TANC2: variants seen among roughly 807,000 people sequenced by gnomAD.
TANC2 encodes the protein protein TANC2.
In TANC2, 26 loss-of-function variants were observed where a neutral mutation model predicts 210.5. The observed-to-expected ratio is 0.12, with a 90% CI of 0.09 to 0.17. The LOEUF is 0.17. Ranked by LOEUF, TANC2 falls within the 10% of genes least tolerant of loss-of-function variation. The pLI, the probability that TANC2 is intolerant of heterozygous loss-of-function variation, is 1.00. For synonymous variants in TANC2, 931 were observed against 967.1 expected (o/e 0.96, Z 0.69); for missense variants, 2,129 against 2,608.9 (o/e 0.82, Z 4.01).
intron 15 of TANC2, chr17:63,381,221 G>A (rs374937538): frequency 5.3e-5 from 8 of 152,092 alleles, no homozygotes; most frequent in African/African-American, 1.7e-4. Context: ...ACATGGAAAC[G>A]TACATTTAAA....
chr17:63,416,970 C>T (rs2048883287), intron 26 of TANC2, among the ~76,000 whole-genome samples: 1 of 152,198 alleles, frequency 6.6e-6, no homozygotes, highest in African/African-American at 2.4e-5. Flanking sequence ...TGCTGCCAAC[C>T]CACTGATCTC....
intron 8 of TANC2, among the ~76,000 whole-genome samples, chr17:63,250,278 T>C (rs1056137129): frequency 2.0e-5 from 3 of 149,162 alleles, no homozygotes; most frequent in Non-Finnish European, 3.0e-5. Flanking sequence ...AGTTAAATAT[T>C]ATAGTATTTA....
intron 4 of TANC2, among the ~76,000 whole-genome samples, chr17:63,139,586 A>T (rs1470197429): frequency 6.6e-6 from 1 of 152,172 alleles, no homozygotes; most frequent in Non-Finnish European, 1.5e-5. Context: ...AGCCTGGGCA[A>T]CAAGAGCGAG....
chr17:63,141,379 TAAAAAAAAAAAAAAAAA>T (rs71155970), intron 4 of TANC2, among the ~76,000 whole-genome samples: 43 of 21,878 alleles, frequency 2.0e-3, no homozygotes, highest in Admixed American at 0.014. Context: ...CCGTTTCTAC[TAAAAAAAAAAAAAAAAA>T]AAAAAAAAAA....
At chr17:63,231,218 G>A (rs1250466220) in intron 7 of TANC2, among the ~76,000 whole-genome samples, 1 of 151,792 alleles carries the variant, frequency 6.6e-6, no homozygotes, top group African/African-American at 2.4e-5. Context: ...TACCCAGCTT[G>A]CCACTCTGTC....
chr17:63,293,811 C>T (rs927900767), intron 9 of TANC2, among the ~76,000 whole-genome samples: 1 of 151,964 alleles, frequency 6.6e-6, no homozygotes, highest in African/African-American at 2.4e-5. Flanking sequence ...ATAATCACAG[C>T]TCACTGCAGC....
At chr17:63,007,451 G>T (rs2033671540) in intron 1 of TANC2, among the ~76,000 whole-genome samples, 1 of 152,092 alleles carries the variant, frequency 6.6e-6, no homozygotes, top group Non-Finnish European at 1.5e-5. Flanking sequence ...GTTGAACATA[G>T]TAATGGATAT....
intron 8 of TANC2, among the ~76,000 whole-genome samples, chr17:63,245,085 G>A (rs187797679): frequency 6.4e-4 from 98 of 152,272 alleles, no homozygotes; most frequent in African/African-American, 2.0e-3. Flanking sequence ...GTAAAAATCA[G>A]TGATTTTACT....
intron 5 of TANC2, among the ~76,000 whole-genome samples, chr17:63,170,120 A>C (rs940712395): frequency 7.1e-6 from 1 of 141,768 alleles, no homozygotes; most frequent in Non-Finnish European, 1.5e-5. Flanking sequence ...ATAGAGCAAG[A>C]CTCTGTCTCA....
chr17:63,173,780 C>T (rs2040488387), intron 5 of TANC2, among the ~76,000 whole-genome samples: 2 of 151,674 alleles, frequency 1.3e-5, no homozygotes, highest in Non-Finnish European at 2.9e-5. Context: ...ATATGTATGA[C>T]TTCCATGCTT....
At chr17:63,107,647 AT>A (rs1468396075) in intron 4 of TANC2, among the ~76,000 whole-genome samples, 1 of 151,814 alleles carries the variant, frequency 6.6e-6, no homozygotes, top group African/African-American at 2.4e-5. Flanking sequence ...GGCATTAAAA[AT>A]AAATGCTTTC....
At chr17:63,386,742 A>T (rs2047791433) in intron 15 of TANC2, among the ~76,000 whole-genome samples, 1 of 152,162 alleles carries the variant, frequency 6.6e-6, no homozygotes, top group East Asian at 1.9e-4. Context: ...TGGGAGGTTT[A>T]TTTTTAATAC....
At chr17:63,384,259 T>C (rs550181315) in intron 15 of TANC2, among the ~76,000 whole-genome samples, 24 of 152,086 alleles carry the variant, frequency 1.6e-4, no homozygotes, top group African/African-American at 5.5e-4. Flanking sequence ...TTTGTAGAGA[T>C]GGGGGTCTCA....
intron 9 of TANC2, among the ~76,000 whole-genome samples, chr17:63,301,349 A>C (rs1418708687): frequency 6.6e-6 from 1 of 152,176 alleles, no homozygotes; most frequent in Non-Finnish European, 1.5e-5. Flanking sequence ...TTTGAGAAGG[A>C]ATGGTACCAG....
Position 63,067,690 on chromosome 17 carries a change from G to GT in TANC2, c.68-6252dup, listed in dbSNP as rs2036251241. 2.0e-5 allele frequency among the ~76,000 whole-genome samples: 3 copies of GT among 152,168 alleles called. 1 individual carries two copies. The South Asian group carries it at 6.2e-4, about 32-fold the overall frequency. Reference sequence around the variant, plus strand: ...ACAAGAAGCAAACTTGATGGGTTCAGTAGCATAATGGAAGTGACTGCAGAA... The same window carrying GT: ...ACAAGAAGCAAACTTGATGGGTTCAGTTAGCATAATGGAAGTGACTGCAGAA... On this transcript the variant is annotated intron_variant, in intron 2 of 27. Transcript: ENST00000689528.
chr17:63,030,584 C>A (rs935767845), intron 2 of TANC2, among the ~76,000 whole-genome samples: 21 of 151,612 alleles, frequency 1.4e-4, no homozygotes, highest in Non-Finnish European at 7.4e-5. Flanking sequence ...CACCCCATGC[C>A]ACCCCCCACC....
In TANC2 at chr17:63,267,794, G is replaced by A. The variant is rs775530246; in HGVS notation, c.1080G>A (p.Gln360=). ...AAGACCTTGCTTACCTGGATGAGCAGAGACATACACCTTTGAGAACTTCTC... is the reference window on the plus strand; with the variant it reads ...AAGACCTTGCTTACCTGGATGAGCAAAGACATACACCTTTGAGAACTTCTC... Residue 360 remains glutamine (Q), a synonymous_variant, in exon 9 of 28, where the codon CAG becomes CAA. Transcript: ENST00000689528. 3 of 1,613,108 alleles carry A rather than the reference G, an allele frequency of 1.9e-6. No individual in the cohort carries two copies. In the South Asian group the frequency reaches 3.3e-5, roughly 18 times the overall value.
intron 11 of TANC2, among the ~76,000 whole-genome samples, chr17:63,333,230 T>C (rs2045918970): frequency 1.3e-5 from 2 of 152,212 alleles, no homozygotes; most frequent in Non-Finnish European, 2.9e-5. Flanking sequence ...TTTCAAGATT[T>C]TCATCTGGAA....
intron 3 of TANC2, among the ~76,000 whole-genome samples, chr17:63,078,959 T>G (rs977817754): frequency 3.9e-5 from 6 of 152,234 alleles, no homozygotes; most frequent in African/African-American, 1.4e-4. Flanking sequence ...TTCTTTCTAC[T>G]TGTTGAACAG....
Sources: allele counts gnomAD v4.1 joint callset (sites outside exome capture counted in the v4.1 genomes callset), GRCh38; gene constraint gnomAD v4.1.1; transcripts MANE v1.5; gene names NCBI Gene and HGNC (gene_info 2026-07-23, HGNC 2026-07-21).